HGFAC: variants seen among roughly 807,000 people sequenced by gnomAD.
HGFAC encodes HGF activator.
HGFAC carries 76 observed loss-of-function variants against 70.6 expected under a neutral mutation model. The ratio of observed to expected loss-of-function variants is 1.08; its 90% confidence interval spans 0.89 to 1.30. The LOEUF (loss-of-function observed/expected upper bound fraction) is 1.30. HGFAC is among the 50% of genes most tolerant of loss of function. HGFAC has a pLI of 0.00. For synonymous variants in HGFAC, 464 were observed against 405.3 expected (o/e 1.14, Z -1.74); for missense variants, 1,044 against 933.7 (o/e 1.12, Z -1.54).
At chr4:3,442,257 A>T in intron 1 of HGFAC, 139 bp downstream of exon 1, 1 of 640,078 alleles carries the variant, frequency 1.6e-6, no homozygotes, top group Non-Finnish European at 2.6e-6. Context: ...CTTACGTTGA[A>T]AGCTGGCCCT....
Position 3,443,428 on chromosome 4 carries a change from C to T in HGFAC, c.475+8C>T. The T allele has an allele frequency of 6.9e-7, 1 of 1,451,128 alleles. No individual in the cohort carries two copies. The allele number at this position is 1,451,128 out of a possible 1,614,324, so 89.9% of individuals were successfully genotyped here. On this transcript the variant is annotated splice_region_variant and intron_variant, in intron 4 of 13. Transcript: ENST00000382774. ...CGCCTCCAGGGGGCCCAGGTGGGTG[C>T]TGGGTTGGGTAGCCTGGGGCGGGCA...
rs1577122855 is a variant in HGFAC at position 3,442,723 on chromosome 4, T to C, written c.118-9T>C. The C allele has an allele frequency of 6.8e-7, 1 of 1,463,084 alleles. No individual in the cohort carries two copies. Among genetic ancestry groups the C allele is most frequent in the Non-Finnish European group, 9.0e-7 (1 of 1,108,158 alleles). The allele number at this position is 1,463,084 out of a possible 1,614,324, so 90.6% of individuals were successfully genotyped here. A position where few individuals can be genotyped will look rare whatever the true frequency, so the allele number is the denominator to read the frequency against. ...TGTCCCACACTGACACCCTTTCTGC[T>C]CCTCCTAGAACCGTACGGAGTCCCC... is the stretch of plus-strand genomic sequence containing the variant. On this transcript the variant is annotated splice_polypyrimidine_tract_variant and intron_variant, in intron 1 of 13. Coordinates refer to ENST00000382774, the MANE Select transcript of HGFAC (RefSeq NM_001528.4).
At chr4:3,441,418 G>A (rs116576287), upstream of HGFAC, among the ~76,000 whole-genome samples, 2,399 of 152,272 alleles carry the variant, frequency 0.016, 55 homozygotes, top group African/African-American at 0.054. This position sits in a 1 kb window ranked among gnomAD's most constrained non-coding sequence, Gnocchi z 6.0. Flanking sequence ...CTCAGCCATT[G>A]CGTGGCCCCT....
At position 3,443,433 on chromosome 4, in the gene HGFAC, T is replaced by G; in HGVS notation, c.475+13T>G. 7.0e-7 allele frequency: 1 copy of G among 1,436,582 alleles called. No individual in the cohort carries two copies. The highest frequency in any genetic ancestry group is 9.2e-7 in the Non-Finnish European group (1 of 1,088,790). 89.0% of individuals were successfully genotyped at this position (1,436,582 alleles called of 1,614,324 possible). On this transcript the variant is annotated intron_variant, in intron 4 of 13. Transcript: ENST00000382774. ...CCAGGGGGCCCAGGTGGGTGCTGGG[T>G]TGGGTAGCCTGGGGCGGGCAGGGGG... is the stretch of plus-strand genomic sequence containing the variant.
In HGFAC at chr4:3,445,005, G is replaced by T. The variant is rs781039918; in HGVS notation, c.1016+12G>T. 1 of 1,548,652 alleles carries T rather than the reference G, an allele frequency of 6.5e-7. No homozygotes were observed. The highest frequency in any genetic ancestry group is 1.2e-5 in the South Asian group (1 of 81,206). ...CATGCCTACTGCCGGTCAGCACCACGCCGCTCCAGGCCGCCGCATGCGGGG... is the reference window on the plus strand; with the variant it reads ...CATGCCTACTGCCGGTCAGCACCACTCCGCTCCAGGCCGCCGCATGCGGGG... On this transcript the variant is annotated intron_variant, in intron 8 of 13. Transcript: ENST00000382774.
In HGFAC at chr4:3,445,008, G is replaced by A. The variant is rs770027069; in HGVS notation, c.1016+15G>A. On this transcript the variant is annotated intron_variant, in intron 8 of 13. Transcript: ENST00000382774. ...GCCTACTGCCGGTCAGCACCACGCCGCTCCAGGCCGCCGCATGCGGGGCAG... is the reference window on the plus strand; with the variant it reads ...GCCTACTGCCGGTCAGCACCACGCCACTCCAGGCCGCCGCATGCGGGGCAG... The A allele has an allele frequency of 9.7e-6, 15 of 1,548,342 alleles. No individual in the cohort carries two copies. Among genetic ancestry groups the A allele is most frequent in the South Asian group, 7.4e-5 (6 of 81,172 alleles).
chr4:3,448,392 GC>G, intron 13 of HGFAC, 116 bp downstream of exon 13: 1 of 1,261,220 alleles, frequency 7.9e-7, no homozygotes, highest in African/African-American at 1.5e-5. Context: ...ACCTGGCAGG[GC>G]CAGCCAGGGA....
At chr4:3,443,883 C>T (rs6853599) in intron 4 of HGFAC, among the ~76,000 whole-genome samples, 156 bp from the exon 5 acceptor site, 20,497 of 152,060 alleles carry the variant, frequency 0.13, 1,784 homozygotes, top group Non-Finnish European at 0.17. Flanking sequence ...CTGTGCCCCT[C>T]CCAGGGACCT....
At chr4:3,441,606 G>A (rs78309722), upstream of HGFAC, among the ~76,000 whole-genome samples, 398 of 152,346 alleles carry the variant, frequency 2.6e-3, 3 homozygotes, top group African/African-American at 8.9e-3. This position sits in a 1 kb window ranked among gnomAD's most constrained non-coding sequence, Gnocchi z 6.0. Context: ...AGCGCCCGTA[G>A]TGGCTCTCAT....
intron 1 of HGFAC, among the ~76,000 whole-genome samples, 155 bp from the exon 2 acceptor site, chr4:3,442,577 G>T (rs555223949): frequency 1.3e-5 from 2 of 152,242 alleles, no homozygotes; most frequent in East Asian, 3.9e-4. Flanking sequence ...GTCAGGGCCT[G>T]GCTGAGGCCT....
chr4:3,446,367 C>T (rs1000433435), intron 10 of HGFAC, 73 bp downstream of exon 10: 29 of 1,520,616 alleles, frequency 1.9e-5, no homozygotes, highest in Non-Finnish European at 2.4e-5. Context: ...TGCGCCTGTC[C>T]CCACCCGCTT....
intron 9 of HGFAC, 108 bp from the exon 10 acceptor site, chr4:3,445,934 G>T: frequency 6.4e-7 from 1 of 1,556,114 alleles, no homozygotes; most frequent in Non-Finnish European, 8.7e-7. Context: ...GTGGACAGGG[G>T]GTCCGGCCAT....
chr4:3,447,147 G>A (rs1423555409), intron 10 of HGFAC, among the ~76,000 whole-genome samples: 1 of 152,200 alleles, frequency 6.6e-6, no homozygotes, highest in African/African-American at 2.4e-5. Flanking sequence ...GCTGGGGCAG[G>A]GCCTGAGCAG....
At chr4:3,443,472 C>T (rs1030556785) in intron 4 of HGFAC, 52 bp downstream of exon 4, 9 of 1,174,740 alleles carry the variant, frequency 7.7e-6, no homozygotes, top group Admixed American at 3.3e-5. Context: ...TGGGCCAGGC[C>T]AGAAGGGCCA....
rs199537060 is a variant in HGFAC at position 3,448,180 on chromosome 4, C to T, written c.1689C>T (p.Ala563=). Residue 563 remains alanine (A), a synonymous_variant, in exon 13 of 14, where the codon GCC becomes GCT. Transcript: ENST00000382774. The part of the protein sequence containing the change: ...SLREALVPLV[A]DHKCSSPEVY... ...GGGAGGCCCTGGTCCCCCTGGTCGC[C>T]GACCACAAGTGCAGCAGCCCTGAGG... The T allele has an allele frequency of 1.5e-5, 24 of 1,603,212 alleles. No homozygotes were observed. Among genetic ancestry groups the T allele is most frequent in the African/African-American group, 2.7e-5 (2 of 74,870 alleles).
rs1230282252 is a variant in HGFAC, at chr4:3,445,346, C to T, written c.1098C>T (p.Ala366=). 1.3e-6 allele frequency: 2 copies of T among 1,570,502 alleles called. No individual in the cohort carries two copies. The highest frequency in any genetic ancestry group is 3.7e-5 in the Admixed American group (2 of 54,278). The part of the protein sequence containing the change: ...ALSWEYCRLE[A]CESLTRVQLS... ...CCTGGGAGTACTGCCGCCTGGAGGC[C>T]TGCGGTGCGCGGCTGGCGGGGGGTG... is the stretch of plus-strand genomic sequence containing the variant. Residue 366 remains alanine (A), a synonymous_variant, in exon 9 of 14, where the codon GCC becomes GCT. Transcript: ENST00000382774.
In HGFAC at chr4:3,444,909, A is replaced by G. The variant is rs1220980762; in HGVS notation, c.932A>G (p.Asn311Ser). 2 of 1,609,282 alleles carry G rather than the reference A, an allele frequency of 1.2e-6. No homozygotes were observed. Among genetic ancestry groups the G allele is most frequent in the Admixed American group, 3.3e-5 (2 of 59,750 alleles). The change falls in exon 8 of 14, where the codon AAC becomes AGC. Residue 311 changes from asparagine (N) to serine (S), a missense_variant. Asn to Ser is a conservative substitution (Grantham distance 46). Coordinates refer to ENST00000382774, the MANE Select transcript of HGFAC (RefSeq NM_001528.4). Reference protein sequence around the residue: ...SASGLSCLAWNSDLLYQELHV... With the variant: ...SASGLSCLAWSSDLLYQELHV... Reference sequence around the variant, plus strand: ...TCGGGCCTCAGCTGCCTGGCCTGGAACTCCGATCTGCTCTACCAGGAGCTG... The same window carrying G: ...TCGGGCCTCAGCTGCCTGGCCTGGAGCTCCGATCTGCTCTACCAGGAGCTG...
chr4:3,442,750 G>C lies in HGFAC; in HGVS notation c.136G>C (p.Glu46Gln), dbSNP rs148006288. ...CTCCTAGAACCGTACGGAGTCCCCAGAACCTAATGCCACAGCGACCCCTGC... is the reference window on the plus strand; with the variant it reads ...CTCCTAGAACCGTACGGAGTCCCCACAACCTAATGCCACAGCGACCCCTGC... Reference protein sequence around the residue: ...QPGGNRTESPEPNATATPAIP... With the variant: ...QPGGNRTESPQPNATATPAIP... The change falls in exon 2 of 14, where the codon GAA becomes CAA. Residue 46 changes from glutamate to glutamine, a missense_variant. Physicochemically the swap from Glu to Gln is conservative, Grantham distance 29. Transcript: ENST00000382774. The C allele has an allele frequency of 5.4e-4, 818 of 1,512,316 alleles. 2 individuals are homozygous for C. Among genetic ancestry groups the C allele is most frequent in the Middle Eastern group, 2.9e-3 (16 of 5,602 alleles). 93.7% of individuals were successfully genotyped at this position (1,512,316 alleles called of 1,614,324 possible).
Position 3,443,046 on chromosome 4 carries a change from A to G in HGFAC, c.299-4A>G, listed in dbSNP as rs904113576. ...GCCCTGACCCTGCCACCCCCTCCCC[A>G]CAGCACTCACCGAGGACGGGAGGCC... On this transcript the variant is annotated splice_polypyrimidine_tract_variant and splice_region_variant and intron_variant, in intron 2 of 13. Coordinates refer to ENST00000382774, the MANE Select transcript of HGFAC (RefSeq NM_001528.4). 1 of 1,595,622 alleles carries G rather than the reference A, an allele frequency of 6.3e-7. No homozygotes were observed. Among genetic ancestry groups the G allele is most frequent in the African/African-American group, 1.3e-5 (1 of 74,818 alleles).
Sources: gnomAD v4.1 joint callset for allele counts (sites outside exome capture counted in the v4.1 genomes callset) on GRCh38, gnomAD v4.1.1 for gene constraint, Gnocchi (gnomAD v3.1) non-coding constraint, MANE v1.5 for transcripts, NCBI Gene and HGNC (gene_info 2026-07-23, HGNC 2026-07-21) for gene names.